Variants in CTNNA2 observed in about 807,000 individuals in gnomAD.
CTNNA2 encodes the protein catenin alpha 2.
Under a neutral mutation model 101.0 loss-of-function variants are expected in CTNNA2, and 42 were observed. The ratio of observed to expected loss-of-function variants is 0.42; its 90% CI spans 0.32 to 0.54. The LOEUF (loss-of-function observed/expected upper bound fraction) is 0.54. Ranked by LOEUF, CTNNA2 falls within the 20% of genes least tolerant of loss-of-function variation. The probability of loss-of-function intolerance (pLI) is 0.14; values close to 1 mark genes in which losing one functional copy is unlikely to be tolerated. For missense variants in CTNNA2, 871 were observed against 1,223.1 expected (o/e 0.71, Z 4.29); for synonymous variants, 450 against 456.4 (o/e 0.99, Z 0.18).
chr2:79,340,798 C>G (rs1384599529), intron 3 of CTNNA2, among the ~76,000 whole-genome samples: 2 of 127,900 alleles, frequency 1.6e-5, no homozygotes, highest in Non-Finnish European at 3.1e-5. Context: ...CGCGCCACTG[C>G]ACTCCAGCCT....
chr2:79,714,557 A>G (rs1423712688), intron 2 of CTNNA2, among the ~76,000 whole-genome samples: 1 of 152,202 alleles, frequency 6.6e-6, no homozygotes, highest in East Asian at 1.9e-4. Flanking sequence ...GCAAATGTGC[A>G]TTCCATGTGT....
At chr2:79,996,494 T>C (rs1189903712) in intron 7 of CTNNA2, among the ~76,000 whole-genome samples, 1 of 152,234 alleles carries the variant, frequency 6.6e-6, no homozygotes, top group African/African-American at 2.4e-5. Context: ...TGACAGATCC[T>C]CAGCTGTCTT....
chr2:80,247,168 C>G (rs1030511632), intron 7 of CTNNA2, among the ~76,000 whole-genome samples: 3 of 152,120 alleles, frequency 2.0e-5, no homozygotes, highest in Non-Finnish European at 4.4e-5. Flanking sequence ...CATTCGAAAG[C>G]TCTTCTAAAG....
intron 4 of CTNNA2, among the ~76,000 whole-genome samples, chr2:79,384,445 A>G (rs1678075655): frequency 7.2e-6 from 1 of 139,814 alleles, no homozygotes; most frequent in African/African-American, 2.8e-5. Flanking sequence ...ACTTTATTCC[A>G]AAGTAAGGCA....
At chr2:80,592,099 T>G (rs1237770359) in intron 15 of CTNNA2, among the ~76,000 whole-genome samples, 1 of 152,210 alleles carries the variant, frequency 6.6e-6, no homozygotes, top group African/African-American at 2.4e-5. Flanking sequence ...CAAAGCTGTT[T>G]TTAGAATCAA....
intron 4 of CTNNA2, among the ~76,000 whole-genome samples, chr2:79,390,901 A>G (rs774051671): frequency 5.9e-5 from 9 of 152,200 alleles, no homozygotes; most frequent in Non-Finnish European, 1.3e-4. Flanking sequence ...AAATGAAAGA[A>G]TGTGTGATTG....
intron 2 of CTNNA2, among the ~76,000 whole-genome samples, chr2:79,714,280 A>G (rs1685929963): frequency 1.3e-5 from 2 of 152,080 alleles, no homozygotes; most frequent in Admixed American, 6.6e-5. Flanking sequence ...ACAATTATTG[A>G]GATGATATAT....
chr2:79,802,655 C>A (rs539314770), intron 3 of CTNNA2, among the ~76,000 whole-genome samples: 1 of 152,238 alleles, frequency 6.6e-6, no homozygotes, highest in South Asian at 2.1e-4. Context: ...AGCAAGGAGA[C>A]TCAAATATTA....
intron 7 of CTNNA2, among the ~76,000 whole-genome samples, chr2:80,006,225 C>T (rs943881300): frequency 1.3e-5 from 2 of 152,010 alleles, no homozygotes; most frequent in Non-Finnish European, 2.9e-5. Context: ...CCTGTACACA[C>T]TTTTAGAATC....
At chr2:80,088,361 T>C (rs1409552260) in intron 7 of CTNNA2, among the ~76,000 whole-genome samples, 1 of 152,032 alleles carries the variant, frequency 6.6e-6, no homozygotes, top group Non-Finnish European at 1.5e-5. Context: ...GAGCCTGGAA[T>C]TAAAGCCCAG....
intron 6 of CTNNA2, among the ~76,000 whole-genome samples, chr2:79,893,488 A>C (rs1479973952): frequency 2.0e-5 from 3 of 152,030 alleles, no homozygotes; most frequent in Non-Finnish European, 2.9e-5. Flanking sequence ...AATGTATGCT[A>C]TACATTGAGT....
intron 4 of CTNNA2, among the ~76,000 whole-genome samples, chr2:79,866,766 CATTTTGCTAAGCAAATGTATG>C (rs1421376693): frequency 2.0e-5 from 3 of 152,196 alleles, no homozygotes; most frequent in African/African-American, 7.2e-5. Context: ...TCTTGCCATA[CATTTTGCTAAGCAAATGTATG>C]ATTTTGCTAA....
intron 7 of CTNNA2, among the ~76,000 whole-genome samples, chr2:80,007,038 C>G (rs1002425315): frequency 6.6e-6 from 1 of 152,016 alleles, no homozygotes; most frequent in Admixed American, 6.6e-5. Flanking sequence ...CTTTGTAATT[C>G]TCTAAATGTG....
At chr2:80,375,126 A>G (rs1462591025) in intron 7 of CTNNA2, among the ~76,000 whole-genome samples, 1 of 152,114 alleles carries the variant, frequency 6.6e-6, no homozygotes, top group East Asian at 1.9e-4. Context: ...TATGATACTC[A>G]GACTGTATTT....
intron 4 of CTNNA2, among the ~76,000 whole-genome samples, chr2:79,377,623 A>G (rs1677992879): frequency 6.6e-6 from 1 of 152,126 alleles, no homozygotes; most frequent in Non-Finnish European, 1.5e-5. Flanking sequence ...TTTCCTTTCC[A>G]GAATAATAGT....
At chr2:80,095,241 T>G (rs924634579) in intron 7 of CTNNA2, among the ~76,000 whole-genome samples, 3 of 152,230 alleles carry the variant, frequency 2.0e-5, no homozygotes, top group Admixed American at 2.0e-4. Flanking sequence ...AAAGGCCTTT[T>G]CTGCATCTAT....
At chr2:79,663,635 C>CT (rs557692307) in intron 2 of CTNNA2, among the ~76,000 whole-genome samples, 385 of 151,838 alleles carry the variant, frequency 2.5e-3, no homozygotes, top group Middle Eastern at 6.8e-3. Flanking sequence ...TCTGACCACT[C>CT]TTTTTTTTTA....
At chr2:80,532,461 T>G (rs1304017717) in intron 9 of CTNNA2, among the ~76,000 whole-genome samples, 1 of 152,188 alleles carries the variant, frequency 6.6e-6, no homozygotes, top group Non-Finnish European at 1.5e-5. Flanking sequence ...GGTATCCCAG[T>G]GCTTATGTTC....
At chr2:79,522,903 A>G (rs1259252443) in intron 1 of CTNNA2, among the ~76,000 whole-genome samples, 1 of 152,164 alleles carries the variant, frequency 6.6e-6, no homozygotes, top group Non-Finnish European at 1.5e-5. Context: ...ACAGTAATAA[A>G]TGCCCATTGT....
Sources: gnomAD v4.1 joint callset for allele counts (sites outside exome capture counted in the v4.1 genomes callset) on GRCh38, gnomAD v4.1.1 for gene constraint, MANE v1.5 for transcripts, NCBI Gene and HGNC (gene_info 2026-07-23, HGNC 2026-07-21) for gene names.